The following ANKS1B variants were observed in gnomAD, a reference collection of about 807,000 sequenced individuals.
The protein encoded by ANKS1B is ankyrin repeat and sterile alpha motif domain containing 1B, also known as ankyrin repeat and sterile alpha motif domain-containing protein 1B.
ANKS1B carries 36 observed loss-of-function variants against 148.3 expected under a neutral mutation model. That is an observed-to-expected ratio of 0.24 (90% CI 0.19 to 0.32). The LOEUF (loss-of-function observed/expected upper bound fraction) is 0.32. ANKS1B is among the 10% of genes least tolerant of loss of function. ANKS1B has a pLI of 1.00. For synonymous variants in ANKS1B, 542 were observed against 560.8 expected, an observed-to-expected ratio of 0.97 and a Z score of 0.47; for missense variants, 1,157 against 1,542.6, an observed-to-expected ratio of 0.75 and a Z score of 4.19.
intron 17 of ANKS1B, among the ~76,000 whole-genome samples, chr12:98,874,814 G>A (rs1047238646): frequency 1.3e-5 from 2 of 152,090 alleles, no homozygotes; most frequent in African/African-American, 4.8e-5. Flanking sequence ...AAGTACACAG[G>A]AGAAGCTCCT....
chr12:98,793,963 A>C (rs2098919527), intron 22 of ANKS1B, among the ~76,000 whole-genome samples: 1 of 152,208 alleles, frequency 6.6e-6, no homozygotes, highest in African/African-American at 2.4e-5. Flanking sequence ...CACTTCACCA[A>C]AAACTGTATG....
intron 16 of ANKS1B, among the ~76,000 whole-genome samples, chr12:99,078,211 T>C (rs1048417044): frequency 8.5e-5 from 13 of 152,222 alleles, no homozygotes; most frequent in African/African-American, 3.1e-4. Flanking sequence ...CACTTGTAAC[T>C]TTCTAGCTAT....
chr12:99,695,541 G>A (rs567166315), intron 8 of ANKS1B, among the ~76,000 whole-genome samples: 30 of 152,260 alleles, frequency 2.0e-4, no homozygotes, highest in African/African-American at 6.5e-4. Flanking sequence ...ACTGTCTTAT[G>A]CATGGTGGTG....
At chr12:99,179,286 G>A (rs925325613) in intron 14 of ANKS1B, among the ~76,000 whole-genome samples, 87 of 151,864 alleles carry the variant, frequency 5.7e-4, no homozygotes, top group African/African-American at 1.7e-3. Flanking sequence ...AAAATTAGCC[G>A]GGCGTGGTGG....
intron 12 of ANKS1B, among the ~76,000 whole-genome samples, chr12:99,382,284 T>C (rs946745401): frequency 6.6e-6 from 1 of 152,166 alleles, no homozygotes; most frequent in Admixed American, 6.5e-5. Flanking sequence ...GCTCCCTACA[T>C]CTTTTAAATT....
rs994727303 is a variant in ANKS1B, at chr12:98,894,929, A to AC, written c.2779-62794dup. The AC allele has an allele frequency of 3.6e-6, 3 of 836,260 alleles. No individual in the cohort carries two copies. The African/African-American group carries it at 6.4e-5, about 18-fold the overall frequency. 51.8% of individuals were successfully genotyped at this position (836,260 alleles called of 1,614,324 possible). A position where few individuals can be genotyped will look rare whatever the true frequency, so the allele number is the denominator to read the frequency against. On this transcript the variant is annotated intron_variant, in intron 17 of 26. Transcript: ENST00000683438. Reference sequence around the variant, plus strand: ...GCCCCCCGCGCGGCGCGTGCCCCCCACCCCCCGCCGCGCGCCCTCGCACCC... The same window carrying AC: ...GCCCCCCGCGCGGCGCGTGCCCCCCACCCCCCCGCCGCGCGCCCTCGCACCC...
intron 19 of ANKS1B, among the ~76,000 whole-genome samples, chr12:98,821,394 T>C (rs1459676837): frequency 1.3e-5 from 2 of 152,222 alleles, no homozygotes; most frequent in Non-Finnish European, 1.5e-5. Context: ...TGGCTGTTCA[T>C]GGGAGGAGGT....
intron 12 of ANKS1B, among the ~76,000 whole-genome samples, chr12:99,380,227 A>T (rs2093581578): frequency 6.6e-6 from 1 of 152,220 alleles, no homozygotes; most frequent in Non-Finnish European, 1.5e-5. Flanking sequence ...TGGTTGCCTA[A>T]ATATTCAATC....
intron 9 of ANKS1B, among the ~76,000 whole-genome samples, chr12:99,520,983 T>C (rs562875235): frequency 1.3e-5 from 2 of 152,058 alleles, no homozygotes; most frequent in East Asian, 1.9e-4. Flanking sequence ...TTAGTAGAAA[T>C]GGGGTTTCTC....
At chr12:99,817,891 T>C (rs187235202) in intron 2 of ANKS1B, among the ~76,000 whole-genome samples, 2 of 151,830 alleles carry the variant, frequency 1.3e-5, no homozygotes, top group African/African-American at 4.8e-5. Flanking sequence ...GTTCCTTATA[T>C]GTTCTGGCTA....
chr12:99,643,405 G>C (rs1344684648), intron 9 of ANKS1B, among the ~76,000 whole-genome samples: 1 of 152,060 alleles, frequency 6.6e-6, no homozygotes, highest in East Asian at 1.9e-4. Context: ...CCCAACCAAA[G>C]AGAGAGAAAT....
chr12:99,939,965 T>C (rs920945373), intron 1 of ANKS1B, among the ~76,000 whole-genome samples: 5 of 152,216 alleles, frequency 3.3e-5, no homozygotes, highest in Non-Finnish European at 7.3e-5. Context: ...GTATACAATG[T>C]TAAAAAGGCT....
In ANKS1B at chr12:99,602,221, A is replaced by G. The variant is rs185709945; in HGVS notation, c.1272+52846T>C. Among the ~76,000 whole-genome samples the G allele has an allele frequency of 5.4e-4, 82 of 152,102 alleles. 1 individual carries two copies. The highest frequency in any genetic ancestry group is 9.7e-4 in the Non-Finnish European group (66 of 67,980). ...ATTCCCCCATCTGAAACTTCCCCAG[A>G]AAGTTTAACAGTAAAAAAATTGGGT... On this transcript the variant is annotated intron_variant, in intron 9 of 26. Transcript: ENST00000683438.
intron 22 of ANKS1B, among the ~76,000 whole-genome samples, chr12:98,784,919 C>T (rs2098776316): frequency 6.6e-6 from 1 of 152,164 alleles, no homozygotes; most frequent in African/African-American, 2.4e-5. Context: ...CCATGCTTTC[C>T]AATCTGGAGC....
At position 99,162,313 on chromosome 12, in the gene ANKS1B, T is replaced by C. The variant is rs74979520; in HGVS notation, c.2420-7918A>G. Reference sequence around the variant, plus strand: ...GAATTGTACCTTTTAAATCAGTTACTTAAATTATATATATGTATTTATATA... The same window carrying C: ...GAATTGTACCTTTTAAATCAGTTACCTAAATTATATATATGTATTTATATA... On this transcript the variant is annotated intron_variant, in intron 14 of 26. Transcript: ENST00000683438. Among the ~76,000 whole-genome samples the C allele has an allele frequency of 3.8e-3, 584 of 152,238 alleles. 24 individuals carry two copies. In the East Asian group the frequency reaches 0.082, roughly 21 times the overall value.
chr12:99,338,602 C>T (rs1244551941), intron 12 of ANKS1B, among the ~76,000 whole-genome samples: 4 of 152,188 alleles, frequency 2.6e-5, no homozygotes, highest in Non-Finnish European at 2.9e-5. Flanking sequence ...AGTCTCTCCT[C>T]GTGGCCAGCT....
chr12:99,062,616 C>T (rs537605485), intron 16 of ANKS1B, among the ~76,000 whole-genome samples: 3 of 152,086 alleles, frequency 2.0e-5, no homozygotes, highest in South Asian at 2.1e-4. Flanking sequence ...AATAGGTCAT[C>T]GGAAATAGGT....
chr12:99,779,876 A>G lies in ANKS1B; in HGVS notation c.842T>C (p.Leu281Ser). Residue 281 changes from leucine (L) to serine (S), a missense_variant, in exon 6 of 27, where the codon TTA becomes TCA. Coordinates refer to ENST00000683438, the MANE Select transcript of ANKS1B (RefSeq NM_001352186.2). ...SQKSLQIATL[L>S]QEYLEGVGRS... Reference sequence around the variant, plus strand: ...CATCATTCAATACTGTTTACCTTGTAAGAGTGTTGCAATCTGGAGAGATTT... The same window carrying G: ...CATCATTCAATACTGTTTACCTTGTGAGAGTGTTGCAATCTGGAGAGATTT... 6.2e-7 allele frequency: 1 copy of G among 1,609,436 alleles called. No homozygotes were observed. Among genetic ancestry groups the G allele is most frequent in the East Asian group, 2.2e-5 (1 of 44,824 alleles).
At chr12:99,925,901 A>AT (rs957539936) in intron 1 of ANKS1B, among the ~76,000 whole-genome samples, 2 of 152,146 alleles carry the variant, frequency 1.3e-5, no homozygotes, top group African/African-American at 2.4e-5. Context: ...ATTTGAACAG[A>AT]TTTTTTATCT....
Sources: allele counts gnomAD v4.1 joint callset (sites outside exome capture counted in the v4.1 genomes callset), GRCh38; gene constraint gnomAD v4.1.1; transcripts MANE v1.5; gene names NCBI Gene and HGNC (gene_info 2026-07-23, HGNC 2026-07-21).